The following IQSEC1 variants were observed in gnomAD, a reference collection of about 807,000 sequenced individuals.
The protein encoded by IQSEC1 is IQ motif and SEC7 domain-containing protein 1.
A neutral mutation model predicts 91.0 loss-of-function variants in IQSEC1; 31 were observed. That is an observed-to-expected ratio of 0.34 (90% CI 0.26 to 0.46). The LOEUF is 0.46. Among genes scored for constraint, IQSEC1 ranks in the 20% least tolerant of loss-of-function variants. The pLI is 1.00. For missense variants in IQSEC1, 1,388 were observed against 1,575.6 expected (o/e 0.88, Z 2.02); for synonymous variants, 699 against 662.6 (o/e 1.05, Z -0.84).
intron 3 of IQSEC1, among the ~76,000 whole-genome samples, chr3:12,928,497 C>A (rs751931909): frequency 6.6e-6 from 1 of 152,172 alleles, no homozygotes; most frequent in Non-Finnish European, 1.5e-5. Flanking sequence ...CTCCGCAAAG[C>A]TCCCTGCAGG....
intron 1 of IQSEC1, among the ~76,000 whole-genome samples, chr3:13,057,682 C>T (rs549482780): frequency 3.9e-5 from 6 of 152,306 alleles, no homozygotes; most frequent in East Asian, 3.9e-4. Context: ...CCAGACATCC[C>T]GCCTGCCAGC....
chr3:13,068,715 T>G (rs1705318315), intron 1 of IQSEC1, among the ~76,000 whole-genome samples: 1 of 152,236 alleles, frequency 6.6e-6, no homozygotes, highest in African/African-American at 2.4e-5. Flanking sequence ...CCAGGGCCTC[T>G]GCACTTGCTG....
intron 1 of IQSEC1, among the ~76,000 whole-genome samples, chr3:13,172,435 T>A (rs1475517721): frequency 2.0e-5 from 3 of 152,170 alleles, no homozygotes. Context: ...AGACTGAAGC[T>A]GGTTCATCCA....
chr3:13,055,107 G>A (rs1203057566), intron 1 of IQSEC1, among the ~76,000 whole-genome samples: 1 of 152,228 alleles, frequency 6.6e-6, no homozygotes, highest in Non-Finnish European at 1.5e-5. Context: ...GCGGGCTTGG[G>A]GCCCCACCAC....
Position 13,087,368 on chromosome 3 carries a change from C to T in IQSEC1, c.303-39846G>A, listed in dbSNP as rs1002792597. Reference sequence around the variant, plus strand: ...AGAACTGCATTGTTGCCTCTTGGTGCAGGAGAGGCTCTCGGTGCAGAAAGA... The same window carrying T: ...AGAACTGCATTGTTGCCTCTTGGTGTAGGAGAGGCTCTCGGTGCAGAAAGA... On this transcript the variant is annotated intron_variant, in intron 2 of 15. Transcript: ENST00000648114. Among the ~76,000 whole-genome samples the T allele has an allele frequency of 2.6e-5, 4 of 152,266 alleles. No individual in the cohort carries two copies. The South Asian group carries it at 8.3e-4, about 32-fold the overall frequency.
chr3:13,213,813 G>A (rs1056076167), intron 1 of IQSEC1, among the ~76,000 whole-genome samples: 2 of 152,130 alleles, frequency 1.3e-5, no homozygotes, highest in Non-Finnish European at 2.9e-5. Context: ...TGCAAGGAAA[G>A]GAAATAAGTG....
chr3:13,188,898 C>T (rs553599227), intron 1 of IQSEC1, among the ~76,000 whole-genome samples: 43 of 152,370 alleles, frequency 2.8e-4, no homozygotes, highest in African/African-American at 1.0e-3. Context: ...GCCCCAAATT[C>T]CTTCACCAGG....
At chr3:13,245,922 C>G (rs898047274) in intron 1 of IQSEC1, among the ~76,000 whole-genome samples, 5 of 152,084 alleles carry the variant, frequency 3.3e-5, no homozygotes, top group African/African-American at 1.2e-4. Context: ...TGCCGGGGAA[C>G]CCAAACCGAG....
intron 1 of IQSEC1, among the ~76,000 whole-genome samples, chr3:13,270,972 G>A (rs1394035487): frequency 1.3e-5 from 2 of 152,144 alleles, no homozygotes; most frequent in Non-Finnish European, 2.9e-5. Flanking sequence ...TAACCAAAAT[G>A]AGTTAAAGTA....
chr3:12,912,792 C>T (rs566835500), intron 9 of IQSEC1, among the ~76,000 whole-genome samples: 40 of 152,312 alleles, frequency 2.6e-4, no homozygotes, highest in African/African-American at 7.5e-4. Flanking sequence ...GGCACTTCTG[C>T]CCCCGTCTGG....
intron 1 of IQSEC1, among the ~76,000 whole-genome samples, chr3:13,224,940 C>T (rs1694726050): frequency 6.6e-6 from 1 of 152,260 alleles, no homozygotes; most frequent in Non-Finnish European, 1.5e-5. Context: ...AGTCACTATG[C>T]TCTGTGAAGC....
chr3:13,123,149 G>C (rs1706451783), intron 2 of IQSEC1, among the ~76,000 whole-genome samples: 1 of 152,230 alleles, frequency 6.6e-6, no homozygotes, highest in South Asian at 2.1e-4. Context: ...ATCCAGCCAA[G>C]AAGGCTTTGC....
chr3:13,150,040 C>T (rs1228278954), intron 2 of IQSEC1, among the ~76,000 whole-genome samples: 1 of 152,136 alleles, frequency 6.6e-6, no homozygotes, highest in East Asian at 1.9e-4. Context: ...GAGAAGAATC[C>T]GACCTGCAGT....
rs145229580 is a variant in IQSEC1 at position 13,174,562 on chromosome 3, T to C, written c.273-10429A>G. On this transcript the variant is annotated intron_variant, in intron 1 of 15. Transcript: ENST00000648114. ...GCTCTGTATCTTCCACACCCTGCTGTCAGCCCCCAGAAGGCCTGAGGCACC... is the reference window on the plus strand; with the variant it reads ...GCTCTGTATCTTCCACACCCTGCTGCCAGCCCCCAGAAGGCCTGAGGCACC... Among the ~76,000 whole-genome samples the C allele has an allele frequency of 3.4e-3, 517 of 152,238 alleles. 4 individuals carry two copies. Among genetic ancestry groups the C allele is most frequent in the Non-Finnish European group, 3.6e-3 (244 of 68,000 alleles).
intron 1 of IQSEC1, among the ~76,000 whole-genome samples, chr3:12,946,149 G>A (rs1194148958): frequency 6.6e-6 from 1 of 152,162 alleles, no homozygotes; most frequent in African/African-American, 2.4e-5. Flanking sequence ...GAGTCTCTAG[G>A]TGGGACTTTT....
chr3:12,922,251 G>A lies in IQSEC1; in HGVS notation c.1731-9C>T. ...TCTCGTCCACGACGCAGCTGGAATA[G>A]AGACAGACAGCCCCGCATAAGCACC... On this transcript the variant is annotated splice_polypyrimidine_tract_variant and intron_variant, in intron 4 of 13. Coordinates refer to ENST00000613206, the MANE Select transcript of IQSEC1 (RefSeq NM_001134382.3). This position sits in a 1 kb window ranked among gnomAD's most constrained non-coding sequence, Gnocchi z 5.1. 2 of 1,576,238 alleles carry A rather than the reference G, an allele frequency of 1.3e-6. No homozygotes were observed. Among genetic ancestry groups the A allele is most frequent in the Non-Finnish European group, 1.7e-6 (2 of 1,153,838 alleles).
At chr3:13,168,900 T>C (rs1275436680) in intron 1 of IQSEC1, among the ~76,000 whole-genome samples, 4 of 152,250 alleles carry the variant, frequency 2.6e-5, no homozygotes, top group African/African-American at 9.6e-5. Flanking sequence ...TGTGAACATG[T>C]GACAATCTGA....
chr3:13,032,174 G>A (rs899291613), intron 1 of IQSEC1, among the ~76,000 whole-genome samples: 7 of 152,212 alleles, frequency 4.6e-5, no homozygotes, highest in African/African-American at 1.7e-4. Context: ...CCTTCAAAGT[G>A]TCTTTCCTAA....
chr3:12,981,080 T>C (rs1701428835), intron 1 of IQSEC1, among the ~76,000 whole-genome samples: 1 of 152,156 alleles, frequency 6.6e-6, no homozygotes, highest in Admixed American at 6.5e-5. Context: ...CCTCATCTGA[T>C]GGATGAACGA....
Sources: allele counts gnomAD v4.1 joint callset (sites outside exome capture counted in the v4.1 genomes callset), GRCh38; gene constraint gnomAD v4.1.1; non-coding constraint Gnocchi (gnomAD v3.1); transcripts MANE v1.5; gene names NCBI Gene and HGNC (gene_info 2026-07-23, HGNC 2026-07-21).